The following TLK2 variants were observed in gnomAD, a reference collection of about 807,000 sequenced individuals.
TLK2 encodes the protein serine/threonine-protein kinase tousled-like 2.
Under a neutral mutation model 117.3 loss-of-function variants are expected in TLK2, and 6 were observed. That is an observed-to-expected ratio of 0.05 (90% CI 0.03 to 0.10). TLK2 has a LOEUF of 0.10. Ranked by LOEUF, TLK2 falls within the 10% of genes least tolerant of loss-of-function variation. TLK2 has a pLI of 1.00. For missense variants in TLK2, 299 were observed against 901.2 expected, an observed-to-expected ratio of 0.33 and a Z score of 8.56; for synonymous variants, 257 against 316.7, an observed-to-expected ratio of 0.81 and a Z score of 2.00.
chr17:62,508,326 A>G, intron 2 of TLK2: 1 of 609,170 alleles, frequency 1.6e-6, no homozygotes, highest in Non-Finnish European at 2.1e-6. Context: ...ATAAAATACC[A>G]CATAGTTAAA....
At chr17:62,591,357 T>A (rs148757347) in intron 16 of TLK2, among the ~76,000 whole-genome samples, 3,349 of 144,552 alleles carry the variant, frequency 0.023, 62 homozygotes, top group Non-Finnish European at 0.028. Context: ...ATATGTAATT[T>A]AAAAAAAAAA....
chr17:62,534,574 G>C (rs2076979763), intron 6 of TLK2, among the ~76,000 whole-genome samples: 2 of 151,890 alleles, frequency 1.3e-5, no homozygotes, highest in Non-Finnish European at 2.9e-5. Context: ...TTTGTATTTG[G>C]CCATCTTACT....
At chr17:62,518,037 C>G (rs2075753859) in intron 2 of TLK2, among the ~76,000 whole-genome samples, 1 of 152,168 alleles carries the variant, frequency 6.6e-6, no homozygotes, top group African/African-American at 2.4e-5. Context: ...GGACCTCCAA[C>G]TTAGTTCTTT....
At chr17:62,475,152 A>AT (rs375337199), upstream of TLK2, among the ~76,000 whole-genome samples, 523 of 152,340 alleles carry the variant, frequency 3.4e-3, 7 homozygotes, top group African/African-American at 0.012. Context: ...TAACTACTCT[A>AT]TATCAAGCAC....
intron 15 of TLK2, among the ~76,000 whole-genome samples, chr17:62,582,879 C>G (rs1014493150): frequency 3.9e-5 from 6 of 152,138 alleles, no homozygotes; most frequent in African/African-American, 1.4e-4. Context: ...TGGACTCATA[C>G]TACGTCTTTT....
intron 16 of TLK2, among the ~76,000 whole-genome samples, chr17:62,593,305 T>C (rs1194445180): frequency 5.3e-5 from 8 of 152,340 alleles, no homozygotes; most frequent in African/African-American, 1.9e-4. Flanking sequence ...CTGTAGACTT[T>C]ATAAACACTG....
At position 62,588,051 on chromosome 17, in the gene TLK2, AAAATAT is replaced by A. The variant is rs1245829117; in HGVS notation, c.1460+1827_1460+1832del. On this transcript the variant is annotated intron_variant, in intron 16 of 21. Transcript: ENST00000346027. ...TATACGTATACATCTGTATATGTAT[AAAATAT>A]ACGTATACATCTGTATATGTATAAA... Among the ~76,000 whole-genome samples the A allele has an allele frequency of 2.0e-4, 27 of 137,594 alleles. No individual in the cohort carries two copies. The East Asian group carries it at 5.5e-3, about 28-fold the overall frequency. The allele number at this position is 137,594 out of a possible 152,430, so 90.3% of individuals were successfully genotyped here.
At chr17:62,574,010 C>T (rs1387808238) in intron 12 of TLK2, among the ~76,000 whole-genome samples, 2 of 152,160 alleles carry the variant, frequency 1.3e-5, no homozygotes, top group Non-Finnish European at 2.9e-5. Context: ...TGCCTGCCTT[C>T]TCCATTCTTC....
chr17:62,480,791 A>G (rs2071550879), intron 1 of TLK2, among the ~76,000 whole-genome samples: 1 of 152,192 alleles, frequency 6.6e-6, no homozygotes. Context: ...TTTGCAGGCT[A>G]GTTCTTGTTT....
At chr17:62,557,890 T>G (rs2078976321) in intron 9 of TLK2, among the ~76,000 whole-genome samples, 1 of 152,232 alleles carries the variant, frequency 6.6e-6, no homozygotes, top group Non-Finnish European at 1.5e-5. Flanking sequence ...CTACTGTCCC[T>G]TCTACTCCGT....
At chr17:62,595,930 A>AG (rs1350190839) in intron 16 of TLK2, among the ~76,000 whole-genome samples, 3 of 152,010 alleles carry the variant, frequency 2.0e-5, no homozygotes, top group Non-Finnish European at 2.9e-5. Context: ...GCTTTAGAGG[A>AG]GGGGGGAAAA....
At chr17:62,522,115 T>C in intron 3 of TLK2, 89 bp from the exon 4 acceptor site, 1 of 1,349,140 alleles carries the variant, frequency 7.4e-7, no homozygotes, top group South Asian at 1.3e-5. Context: ...TATCTGTTTA[T>C]ATATTCAATA....
At chr17:62,473,912 T>C (rs2070988546), upstream of TLK2, among the ~76,000 whole-genome samples, 2 of 152,112 alleles carry the variant, frequency 1.3e-5, no homozygotes. Context: ...CTTTTCTTTT[T>C]TTTGAGACAG....
At chr17:62,546,928 A>G (rs2077992452) in intron 7 of TLK2, among the ~76,000 whole-genome samples, 1 of 152,076 alleles carries the variant, frequency 6.6e-6, no homozygotes, top group Non-Finnish European at 1.5e-5. Flanking sequence ...GTCCATTTTG[A>G]TATTTAACCC....
intron 6 of TLK2, among the ~76,000 whole-genome samples, chr17:62,526,649 T>C (rs1461710801): frequency 3.9e-5 from 6 of 151,980 alleles, no homozygotes; most frequent in Non-Finnish European, 8.8e-5. Flanking sequence ...TTCCCTACCA[T>C]AACAATAACA....
At chr17:62,572,306 G>A (rs1281180186) in intron 11 of TLK2, among the ~76,000 whole-genome samples, 2 of 152,112 alleles carry the variant, frequency 1.3e-5, no homozygotes, top group Non-Finnish European at 2.9e-5. Context: ...ATTATAGTGG[G>A]TGACTTAAAG....
intron 2 of TLK2, among the ~76,000 whole-genome samples, chr17:62,514,048 A>G (rs2075364693): frequency 6.6e-6 from 1 of 152,172 alleles, no homozygotes; most frequent in Non-Finnish European, 1.5e-5. Context: ...TCTTGCCTGT[A>G]AAGTGCTACA....
intron 16 of TLK2, among the ~76,000 whole-genome samples, chr17:62,595,185 A>T (rs967467940): frequency 7.3e-5 from 11 of 151,024 alleles, no homozygotes; most frequent in African/African-American, 2.7e-4. Flanking sequence ...CTGGTCTCGA[A>T]CTCCTGACCT....
intron 2 of TLK2, among the ~76,000 whole-genome samples, chr17:62,499,514 T>C (rs1567797569): frequency 6.6e-6 from 1 of 152,060 alleles, no homozygotes; most frequent in Non-Finnish European, 1.5e-5. Context: ...AGAAAATTGT[T>C]ACATACTCTG....
Sources: allele counts gnomAD v4.1 joint callset (sites outside exome capture counted in the v4.1 genomes callset), GRCh38; gene constraint gnomAD v4.1.1; transcripts MANE v1.5; gene names NCBI Gene and HGNC (gene_info 2026-07-23, HGNC 2026-07-21).